GRM5: variants seen among roughly 807,000 people sequenced by gnomAD.
GRM5 encodes the protein metabotropic glutamate receptor 5.
In GRM5, 19 loss-of-function variants were observed where a neutral mutation model predicts 83.1. The observed-to-expected ratio is 0.23, with a 90% CI of 0.16 to 0.34. The LOEUF is 0.34. Among genes scored for constraint, GRM5 ranks in the 10% least tolerant of loss-of-function variants. The probability of loss-of-function intolerance (pLI) is 1.00; values close to 1 mark genes in which losing one functional copy is unlikely to be tolerated. For missense variants in GRM5, 1,160 were observed against 1,588.3 expected, an observed-to-expected ratio of 0.73 and a Z score of 4.58; for synonymous variants, 675 against 633.6, an observed-to-expected ratio of 1.07 and a Z score of -0.98.
chr11:88,621,340 A>T (rs1169537913), intron 4 of GRM5, among the ~76,000 whole-genome samples: 1 of 152,158 alleles, frequency 6.6e-6, no homozygotes, highest in East Asian at 1.9e-4. Flanking sequence ...TTTTTGTCCA[A>T]TTAGCTTCTT....
intron 2 of GRM5, among the ~76,000 whole-genome samples, chr11:89,026,502 A>G (rs1941133903): frequency 6.6e-6 from 1 of 152,216 alleles, no homozygotes; most frequent in Non-Finnish European, 1.5e-5. Flanking sequence ...TTGGAGTGAG[A>G]AACATCTAAA....
rs573556333 is a variant in GRM5 at position 89,039,128 on chromosome 11, G to A, written c.661+8084C>T. Among the ~76,000 whole-genome samples the A allele has an allele frequency of 4.3e-4, 66 of 152,006 alleles. 1 individual carries two copies. The highest frequency in any genetic ancestry group is 2.0e-3 in the Admixed American group (31 of 15,264). On this transcript the variant is annotated intron_variant, in intron 2 of 9. Coordinates refer to ENST00000305447, the MANE Select transcript of GRM5 (RefSeq NM_001143831.3). Reference sequence around the variant, plus strand: ...AAAATACAAAAAATTAGCTGGGCACGGTGGCACGCACCTGTAATCCCAGCT... The same window carrying A: ...AAAATACAAAAAATTAGCTGGGCACAGTGGCACGCACCTGTAATCCCAGCT...
rs1415726163 is a variant in GRM5 at position 88,889,765 on chromosome 11, C to A, written c.662-39610G>T. Reference sequence around the variant, plus strand: ...ATTTTATTTCTTGACACTCTTAATGCATGTGTGAGAGGCCCTAAGATAACT... The same window carrying A: ...ATTTTATTTCTTGACACTCTTAATGAATGTGTGAGAGGCCCTAAGATAACT... On this transcript the variant is annotated intron_variant, in intron 2 of 9. Coordinates refer to ENST00000305447, the MANE Select transcript of GRM5 (RefSeq NM_001143831.3). 2.6e-5 allele frequency among the ~76,000 whole-genome samples: 4 copies of A among 152,104 alleles called. No individual in the cohort carries two copies. The East Asian group carries it at 7.7e-4, about 29-fold the overall frequency.
chr11:88,983,557 CAA>C (rs1026559780), intron 2 of GRM5, among the ~76,000 whole-genome samples: 4 of 152,098 alleles, frequency 2.6e-5, no homozygotes, highest in African/African-American at 9.7e-5. Context: ...GCCAGTCTCA[CAA>C]AAGTCTTTTT....
chr11:88,930,384 A>T (rs961684289), intron 2 of GRM5, among the ~76,000 whole-genome samples: 23 of 152,190 alleles, frequency 1.5e-4, no homozygotes, highest in African/African-American at 4.3e-4. Flanking sequence ...ACTGTATTCC[A>T]GCCCGGGCAA....
At chr11:88,855,011 C>T (rs1944449543) in intron 2 of GRM5, among the ~76,000 whole-genome samples, 1 of 151,182 alleles carries the variant, frequency 6.6e-6, no homozygotes, top group Admixed American at 6.6e-5. Context: ...CAAGGTGTAC[C>T]TAGTGAGATT....
chr11:88,932,366 T>G (rs1937741202), intron 2 of GRM5, among the ~76,000 whole-genome samples: 1 of 151,992 alleles, frequency 6.6e-6, no homozygotes, highest in Admixed American at 6.6e-5. Context: ...GTTTATTGGC[T>G]AAAAAAGTTA....
At chr11:88,672,515 A>G (rs1164729563) in intron 3 of GRM5, among the ~76,000 whole-genome samples, 2 of 151,974 alleles carry the variant, frequency 1.3e-5, no homozygotes, top group Non-Finnish European at 2.9e-5. Flanking sequence ...CTTGAAGAAA[A>G]GTTATTTTAT....
At chr11:88,615,755 T>C (rs914903446) in intron 4 of GRM5, among the ~76,000 whole-genome samples, 31 of 152,108 alleles carry the variant, frequency 2.0e-4, no homozygotes, top group African/African-American at 7.5e-4. Context: ...ATAAGAGACA[T>C]TTGTTAATAC....
chr11:89,043,988 T>A (rs1941587759), intron 2 of GRM5, among the ~76,000 whole-genome samples: 1 of 152,136 alleles, frequency 6.6e-6, no homozygotes, highest in African/African-American at 2.4e-5. Flanking sequence ...AAAAGGGAAT[T>A]ATCAAGTCAA....
intron 3 of GRM5, among the ~76,000 whole-genome samples, chr11:88,721,260 T>C (rs1295294086): frequency 1.3e-5 from 2 of 152,086 alleles, no homozygotes; most frequent in Admixed American, 6.6e-5. Flanking sequence ...TTTTCTCCTT[T>C]CTAGAAATTC....
chr11:88,726,219 A>C (rs988070281), intron 3 of GRM5, among the ~76,000 whole-genome samples: 2 of 152,182 alleles, frequency 1.3e-5, no homozygotes, highest in Admixed American at 6.5e-5. Context: ...TGAAAAACAC[A>C]GCACAAGAAC....
At chr11:88,982,974 G>A (rs1308073107) in intron 2 of GRM5, among the ~76,000 whole-genome samples, 4 of 152,190 alleles carry the variant, frequency 2.6e-5, no homozygotes, top group African/African-American at 9.7e-5. Flanking sequence ...GCTGAAGCTG[G>A]AGAATTGCTT....
intron 9 of GRM5, among the ~76,000 whole-genome samples, chr11:88,515,864 T>A (rs1185950398): frequency 6.6e-6 from 1 of 152,226 alleles, no homozygotes; most frequent in Non-Finnish European, 1.5e-5. Flanking sequence ...TCAGCTTGAT[T>A]TAAACCTTGA....
At chr11:89,012,006 T>C (rs1940715417) in intron 2 of GRM5, among the ~76,000 whole-genome samples, 1 of 152,202 alleles carries the variant, frequency 6.6e-6, no homozygotes, top group Non-Finnish European at 1.5e-5. Context: ...GTTACATCCT[T>C]TCCCATTCTG....
intron 3 of GRM5, among the ~76,000 whole-genome samples, chr11:88,842,215 A>T (rs1471317446): frequency 2.6e-5 from 4 of 152,210 alleles, no homozygotes; most frequent in Non-Finnish European, 5.9e-5. Flanking sequence ...TTAAAAAAAT[A>T]TTCCTAGTCA....
chr11:89,061,157 A>G (rs1188719310), intron 1 of GRM5, among the ~76,000 whole-genome samples: 6 of 152,158 alleles, frequency 3.9e-5, no homozygotes, highest in Non-Finnish European at 7.4e-5. Flanking sequence ...CTATCTATCT[A>G]TATCGAGATA....
chr11:88,804,964 C>G (rs1326850277), intron 3 of GRM5, among the ~76,000 whole-genome samples: 1 of 152,062 alleles, frequency 6.6e-6, no homozygotes, highest in East Asian at 1.9e-4. Flanking sequence ...TTAAATTGAA[C>G]AAATTAAAAA....
At chr11:88,885,351 A>G (rs1409308710) in intron 2 of GRM5, among the ~76,000 whole-genome samples, 1 of 150,730 alleles carries the variant, frequency 6.6e-6, no homozygotes, top group Admixed American at 6.6e-5. Context: ...AAATTTCATT[A>G]TAATTAGAAA....
Sources: allele counts gnomAD v4.1 joint callset (sites outside exome capture counted in the v4.1 genomes callset), GRCh38; gene constraint gnomAD v4.1.1; transcripts MANE v1.5; gene names NCBI Gene and HGNC (gene_info 2026-07-23, HGNC 2026-07-21).